Variants in DENND4A observed in about 807,000 individuals in gnomAD.
The protein encoded by DENND4A is DENN domain containing 4A, also known as C-myc promoter-binding protein.
A neutral mutation model predicts 199.3 loss-of-function variants in DENND4A; 70 were observed. The ratio of observed to expected loss-of-function variants is 0.35; its 90% confidence interval spans 0.29 to 0.43. DENND4A has a LOEUF of 0.43. DENND4A is among the 20% of genes least tolerant of loss of function. DENND4A has a pLI of 1.00. For missense variants in DENND4A, 1,723 were observed against 2,255.8 expected (o/e 0.76, Z 4.78); for synonymous variants, 686 against 766.9 (o/e 0.89, Z 1.74).
intron 13 of DENND4A, 151 bp downstream of exon 13, chr15:65,717,627 G>T: frequency 1.4e-6 from 1 of 727,804 alleles, no homozygotes; most frequent in Non-Finnish European, 2.2e-6. Context: ...CTAGTCCTAT[G>T]GAAATGGGTA....
intron 19 of DENND4A, among the ~76,000 whole-genome samples, 173 bp downstream of exon 19, chr15:65,700,876 CAT>C (rs1040314005): frequency 1.3e-5 from 2 of 152,176 alleles, no homozygotes; most frequent in African/African-American, 2.4e-5. Context: ...GAAGTTGAAA[CAT>C]TTAAACAGAA....
At chr15:65,669,115 G>T (rs1566984824) in intron 27 of DENND4A, among the ~76,000 whole-genome samples, 2 of 152,176 alleles carry the variant, frequency 1.3e-5, no homozygotes, top group South Asian at 4.1e-4. Context: ...ATAGACCGGT[G>T]ATGAAAGAAG....
Position 65,691,515 on chromosome 15 carries a change from A to T in DENND4A, c.3083-4T>A, listed in dbSNP as rs1414039171. ...AAGAGCAGCTCAGGTGTGCTTTCTG[A>T]AAAACAAGTAAAGTGCTTTTAGCCA... is the stretch of plus-strand genomic sequence containing the variant. On this transcript the variant is annotated splice_region_variant and splice_polypyrimidine_tract_variant and intron_variant, in intron 22 of 32. Coordinates refer to ENST00000443035, the MANE Select transcript of DENND4A (RefSeq NM_001320835.1). 1 of 1,565,588 alleles carries T rather than the reference A, an allele frequency of 6.4e-7. No homozygotes were observed.
intron 5 of DENND4A, among the ~76,000 whole-genome samples, 191 bp downstream of exon 5, chr15:65,741,517 AACTCACC>A (rs1296534897): frequency 5.3e-5 from 8 of 152,214 alleles, no homozygotes; most frequent in Non-Finnish European, 1.0e-4. Context: ...TTAAAATAAA[AACTCACC>A]TTATTTTAAA....
Position 65,706,008 on chromosome 15 carries a change from A to T in DENND4A, c.2087+83T>A, listed in dbSNP as rs1468596015. The T allele has an allele frequency of 2.2e-6, 3 of 1,381,478 alleles. No homozygotes were observed. The East Asian group carries it at 8.0e-5, about 37-fold the overall frequency. 85.6% of individuals were successfully genotyped at this position (1,381,478 alleles called of 1,614,324 possible). ...GATCTGTAAAGTTTGGATTTTTGAA[A>T]ATACCACAGTCCTTAGAAAGCTACG... On this transcript the variant is annotated intron_variant, in intron 15 of 32. Transcript: ENST00000443035.
intron 15 of DENND4A, among the ~76,000 whole-genome samples, chr15:65,705,578 T>C (rs2075021030): frequency 6.6e-6 from 1 of 152,150 alleles, no homozygotes; most frequent in South Asian, 2.1e-4. Flanking sequence ...AAATTAACAA[T>C]GATCAATTCT....
At chr15:65,748,237 C>A (rs116720964) in intron 4 of DENND4A, among the ~76,000 whole-genome samples, 5,251 of 151,604 alleles carry the variant, frequency 0.035, 145 homozygotes, top group Middle Eastern at 0.068. Context: ...GCTCTAACAT[C>A]AAGAAATTAG....
At chr15:65,765,120 T>C (rs545511088) in intron 1 of DENND4A, among the ~76,000 whole-genome samples, 1 of 152,300 alleles carries the variant, frequency 6.6e-6, no homozygotes, top group Non-Finnish European at 1.5e-5. Context: ...GAACTATTAT[T>C]AGAATTAACT....
At chr15:65,755,558 G>C (rs113567948) in intron 3 of DENND4A, among the ~76,000 whole-genome samples, 8 of 152,216 alleles carry the variant, frequency 5.3e-5, no homozygotes, top group African/African-American at 1.7e-4. Flanking sequence ...TTGAGGCCAG[G>C]AGTTTGAGAC....
intron 1 of DENND4A, chr15:65,771,286 C>T: frequency 6.3e-7 from 1 of 1,584,076 alleles, no homozygotes. Flanking sequence ...CTGCATACTG[C>T]ATATCTGTTT....
At chr15:65,755,759 T>C (rs560350538) in intron 3 of DENND4A, among the ~76,000 whole-genome samples, 2 of 152,300 alleles carry the variant, frequency 1.3e-5, no homozygotes, top group African/African-American at 2.4e-5. Context: ...AGATTAACCC[T>C]GTCCCTTTAA....
At chr15:65,786,753 G>A (rs2077576032) in intron 1 of DENND4A, among the ~76,000 whole-genome samples, 1 of 152,130 alleles carries the variant, frequency 6.6e-6, no homozygotes, top group Non-Finnish European at 1.5e-5. Flanking sequence ...TTCACACCAA[G>A]GGAGTATGAT....
intron 1 of DENND4A, among the ~76,000 whole-genome samples, chr15:65,768,246 G>A (rs969476777): frequency 2.6e-5 from 4 of 152,080 alleles, no homozygotes; most frequent in African/African-American, 9.7e-5. Flanking sequence ...TGAACTCCTG[G>A]GCTCAAGTGA....
chr15:65,669,181 A>G (rs902843636), intron 27 of DENND4A, among the ~76,000 whole-genome samples: 3 of 152,216 alleles, frequency 2.0e-5, no homozygotes, highest in African/African-American at 7.2e-5. Flanking sequence ...AGGTCACGTT[A>G]GCCTGCCAAC....
At chr15:65,706,259 C>T (rs2075045658) in intron 14 of DENND4A, 35 bp from the exon 15 acceptor site, 2 of 1,447,312 alleles carry the variant, frequency 1.4e-6, no homozygotes, top group South Asian at 1.5e-5. Context: ...TTAAAAAAGC[C>T]ACATTGGTTA....
chr15:65,726,773 C>T lies in DENND4A; in HGVS notation c.1487+2299G>A, dbSNP rs775721710. Among the ~76,000 whole-genome samples the T allele has an allele frequency of 5.9e-5, 9 of 151,918 alleles. No homozygotes were observed. The South Asian group carries it at 8.3e-4, about 14-fold the overall frequency. ...GAGTTCGAGACCAGCCTGGCCAACA[C>T]GGTGAAAACCCCTCTCTACTAAAAA... is the stretch of plus-strand genomic sequence containing the variant. On this transcript the variant is annotated intron_variant, in intron 11 of 32. Transcript: ENST00000443035.
At chr15:65,676,409 A>C in intron 24 of DENND4A, 36 bp downstream of exon 24, 1 of 1,440,410 alleles carries the variant, frequency 6.9e-7, no homozygotes. Context: ...TGAAACTACA[A>C]ATCAAATGCA....
At chr15:65,772,110 C>T in intron 1 of DENND4A, 1 of 883,896 alleles carries the variant, frequency 1.1e-6, no homozygotes, top group South Asian at 1.4e-5. Flanking sequence ...GATGTCGACA[C>T]ATTTCTCAGC....
intron 11 of DENND4A, among the ~76,000 whole-genome samples, chr15:65,723,772 G>A (rs1293622634): frequency 6.6e-6 from 1 of 152,050 alleles, no homozygotes; most frequent in Non-Finnish European, 1.5e-5. Context: ...TTTAATAAAC[G>A]TTATGTGAAC....
Sources: gnomAD v4.1 joint callset for allele counts (sites outside exome capture counted in the v4.1 genomes callset) on GRCh38, gnomAD v4.1.1 for gene constraint, MANE v1.5 for transcripts, NCBI Gene and HGNC (gene_info 2026-07-23, HGNC 2026-07-21) for gene names.